TMEM132D: variants seen among roughly 807,000 people sequenced by gnomAD.
TMEM132D encodes transmembrane protein 132D.
TMEM132D carries 21 observed loss-of-function variants against 62.3 expected under a neutral mutation model. The observed-to-expected ratio is 0.34, with a 90% CI of 0.24 to 0.49. The LOEUF (loss-of-function observed/expected upper bound fraction) is 0.49. Among genes scored for constraint, TMEM132D ranks in the 20% least tolerant of loss-of-function variants. The probability of loss-of-function intolerance (pLI) is 0.99; values close to 1 mark genes in which losing one functional copy is unlikely to be tolerated. For missense variants in TMEM132D, 1,346 were observed against 1,402.8 expected (o/e 0.96, Z 0.65); for synonymous variants, 621 against 575.6 (o/e 1.08, Z -1.13).
intron 4 of TMEM132D, among the ~76,000 whole-genome samples, chr12:129,301,253 A>T (rs1409754693): frequency 2.0e-5 from 3 of 152,230 alleles, no homozygotes; most frequent in Middle Eastern, 6.8e-3. Flanking sequence ...TTAATGCTCG[A>T]CTTCTTCCAA....
intron 3 of TMEM132D, among the ~76,000 whole-genome samples, chr12:129,426,567 C>G (rs1872503907): frequency 6.6e-6 from 1 of 152,130 alleles, no homozygotes; most frequent in Admixed American, 6.5e-5. Context: ...CATCACTGTG[C>G]CAAGAGGCTG....
chr12:129,576,540 A>G (rs748755859), intron 2 of TMEM132D, among the ~76,000 whole-genome samples: 29 of 151,966 alleles, frequency 1.9e-4, no homozygotes, highest in Admixed American at 5.2e-4. Context: ...ATATCTGTTT[A>G]CATAAATATA....
At chr12:129,237,265 T>C (rs959741732) in intron 4 of TMEM132D, among the ~76,000 whole-genome samples, 1 of 152,194 alleles carries the variant, frequency 6.6e-6, no homozygotes, top group Non-Finnish European at 1.5e-5. Context: ...CTTTTTGTCA[T>C]GCCCTATCTT....
At chr12:129,274,799 ATG>A (rs1880958505) in intron 4 of TMEM132D, among the ~76,000 whole-genome samples, 1 of 151,944 alleles carries the variant, frequency 6.6e-6, no homozygotes, top group Non-Finnish European at 1.5e-5. Flanking sequence ...AGGCAGGAGA[ATG>A]GCGTGAACCC....
chr12:129,868,227 TACATGAGGCAGCGTTTCTAGGGA>T, intron 1 of TMEM132D, among the ~76,000 whole-genome samples: 1 of 151,560 alleles, frequency 6.6e-6, no homozygotes, highest in Non-Finnish European at 1.5e-5. Flanking sequence ...GTTTCTATGG[TACATGAGGCAGCGTTTCTAGGGA>T]ACACACATGA....
At chr12:129,087,629 G>A (rs964353975) in intron 5 of TMEM132D, among the ~76,000 whole-genome samples, 12 of 152,208 alleles carry the variant, frequency 7.9e-5, no homozygotes, top group South Asian at 2.1e-4. Context: ...TGGAAAACGC[G>A]AGGAAGCAGA....
At chr12:129,400,146 T>A (rs1038751073) in intron 3 of TMEM132D, among the ~76,000 whole-genome samples, 4 of 152,046 alleles carry the variant, frequency 2.6e-5, no homozygotes, top group Admixed American at 2.6e-4. Flanking sequence ...CAGCTTACCT[T>A]GTGTCCCAGA....
At chr12:129,274,608 C>T (rs373210092) in intron 4 of TMEM132D, among the ~76,000 whole-genome samples, 2 of 152,112 alleles carry the variant, frequency 1.3e-5, no homozygotes, top group Non-Finnish European at 1.5e-5. Context: ...ATTATTTGGC[C>T]GGGTGCAGTG....
At chr12:129,665,091 T>C (rs1669452) in intron 2 of TMEM132D, among the ~76,000 whole-genome samples, 114,775 of 151,454 alleles carry the variant, frequency 0.76, 43,891 homozygotes, top group East Asian at 0.84. Flanking sequence ...CAAAATTCTG[T>C]CATCCTGTGT....
chr12:129,385,168 C>T (rs12309523), intron 3 of TMEM132D, among the ~76,000 whole-genome samples: 33,770 of 138,076 alleles, frequency 0.24, 4,066 homozygotes, highest in Middle Eastern at 0.32. Flanking sequence ...TGCAGTGGTG[C>T]GATCTTGGCT....
chr12:129,672,284 G>A (rs531331158), intron 2 of TMEM132D, among the ~76,000 whole-genome samples: 1 of 152,296 alleles, frequency 6.6e-6, no homozygotes, highest in African/African-American at 2.4e-5. Flanking sequence ...TTCCAGGATT[G>A]TAAAAATGTC....
At position 129,734,386 on chromosome 12, in the gene TMEM132D, G is replaced by A. The variant is rs528396740; in HGVS notation, c.80-33688C>T. On this transcript the variant is annotated intron_variant, in intron 1 of 8. Transcript: ENST00000422113. ...TCTACTTTTAAGAATCAGGTCAAAT[G>A]CCATCTCCTCAGTGAAGTACTTTTT... 3.2e-4 allele frequency among the ~76,000 whole-genome samples: 49 copies of A among 152,232 alleles called. No individual in the cohort carries two copies. The South Asian group carries it at 9.7e-3, about 30-fold the overall frequency.
chr12:129,604,161 C>G (rs112163081), intron 2 of TMEM132D, among the ~76,000 whole-genome samples: 15,183 of 151,696 alleles, frequency 0.1, 885 homozygotes, highest in African/African-American at 0.15. Flanking sequence ...CACCAGGGCC[C>G]GTCGAGGGGT....
At chr12:129,789,365 C>T (rs187980315) in intron 1 of TMEM132D, among the ~76,000 whole-genome samples, 10 of 152,284 alleles carry the variant, frequency 6.6e-5, no homozygotes, top group African/African-American at 2.2e-4. Context: ...TGGTCTTCAA[C>T]CCCACCCAGG....
At chr12:129,188,930 T>C (rs1780809154) in intron 5 of TMEM132D, among the ~76,000 whole-genome samples, 1 of 152,198 alleles carries the variant, frequency 6.6e-6, no homozygotes, top group African/African-American at 2.4e-5. Flanking sequence ...CATGCACCGT[T>C]CTGACTTCTG....
At chr12:129,902,507 A>T (rs1435064784) in intron 1 of TMEM132D, among the ~76,000 whole-genome samples, 5 of 152,202 alleles carry the variant, frequency 3.3e-5, no homozygotes, top group Non-Finnish European at 1.5e-5. Flanking sequence ...TCTTCCCATG[A>T]CAGACAGGGA....
At chr12:129,507,141 T>A (rs1316363519) in intron 3 of TMEM132D, among the ~76,000 whole-genome samples, 2 of 151,808 alleles carry the variant, frequency 1.3e-5, no homozygotes, top group Non-Finnish European at 2.9e-5. Context: ...GAAATGCAAA[T>A]CAAAACCACA....
rs564555810 is a variant in TMEM132D, at chr12:129,725,291, A to G, written c.80-24593T>C. Among the ~76,000 whole-genome samples, 10 of 152,358 alleles carry G rather than the reference A, an allele frequency of 6.6e-5. 1 individual carries two copies. Among genetic ancestry groups the G allele is most frequent in the African/African-American group, 2.2e-4 (9 of 41,594 alleles). On this transcript the variant is annotated intron_variant, in intron 1 of 8. Transcript: ENST00000422113. Reference sequence around the variant, plus strand: ...TGGTACAACGAGTCCATCATTCACTATGTATTTCTATATGCCTACAGATAG... The same window carrying G: ...TGGTACAACGAGTCCATCATTCACTGTGTATTTCTATATGCCTACAGATAG...
intron 2 of TMEM132D, among the ~76,000 whole-genome samples, chr12:129,590,044 T>C (rs1184506601): frequency 1.3e-5 from 2 of 152,232 alleles, no homozygotes; most frequent in African/African-American, 2.4e-5. Context: ...CAGGAGTACA[T>C]ATTTAGTTCC....
Sources: gnomAD v4.1 joint callset for allele counts (sites outside exome capture counted in the v4.1 genomes callset) on GRCh38, gnomAD v4.1.1 for gene constraint, MANE v1.5 for transcripts, NCBI Gene and HGNC (gene_info 2026-07-23, HGNC 2026-07-21) for gene names.